Variants in MICAL2 observed in about 807,000 individuals in gnomAD.
MICAL2 encodes [F-actin]-monooxygenase MICAL2.
A neutral mutation model predicts 127.3 loss-of-function variants in MICAL2; 77 were observed. The ratio of observed to expected loss-of-function variants is 0.60; its 90% CI spans 0.50 to 0.73. MICAL2 has a LOEUF of 0.73. MICAL2 is among the 30% of genes least tolerant of loss of function. The pLI, the probability that MICAL2 is intolerant of heterozygous loss-of-function variation, is 0.00. For missense variants in MICAL2, 1,351 were observed against 1,434.4 expected, an observed-to-expected ratio of 0.94 and a Z score of 0.94; for synonymous variants, 570 against 551.1, an observed-to-expected ratio of 1.03 and a Z score of -0.48.
chr11:12,114,369 G>A (rs1466643016), intron 1 of MICAL2, among the ~76,000 whole-genome samples: 2 of 152,226 alleles, frequency 1.3e-5, no homozygotes, highest in Non-Finnish European at 2.9e-5. Context: ...CTGTCCACCT[G>A]CAGATATCCT....
In MICAL2 at chr11:12,321,120, C is replaced by T. The variant is rs189916079; in HGVS notation, c.5328+1309C>T. Among the ~76,000 whole-genome samples, 384 of 152,226 alleles carry T rather than the reference C, an allele frequency of 2.5e-3. 4 individuals are homozygous for T. The highest frequency in any genetic ancestry group is 6.1e-3 in the African/African-American group (253 of 41,532). ...AATAGCAAGACGGTGGTATTTAGGA[C>T]CAGTCTCACAAATAGCTCCTTGTTC... On this transcript the variant is annotated intron_variant, in intron 30 of 34. Coordinates refer to the MICAL2 transcript ENST00000646065.
At chr11:12,326,211 G>A (rs1414441530) in intron 31 of MICAL2, among the ~76,000 whole-genome samples, 4 of 152,140 alleles carry the variant, frequency 2.6e-5, no homozygotes, top group Non-Finnish European at 5.9e-5. Context: ...TAAAACAGAG[G>A]AGGAACACAG....
chr11:12,262,573 A>G (rs972987077), intron 27 of MICAL2, 36 bp downstream of exon 27: 1 of 1,564,550 alleles, frequency 6.4e-7, no homozygotes, highest in East Asian at 2.2e-5. Flanking sequence ...AAAGAGTGGT[A>G]CTAACCCCCA....
At chr11:12,168,781 A>G (rs541038936) in intron 3 of MICAL2, among the ~76,000 whole-genome samples, 3 of 151,964 alleles carry the variant, frequency 2.0e-5, no homozygotes, top group Admixed American at 6.5e-5. Context: ...GTGAGAAAAC[A>G]ATGTGTTTTC....
chr11:12,143,818 T>A (rs2133652674), intron 2 of MICAL2, among the ~76,000 whole-genome samples: 1 of 152,300 alleles, frequency 6.6e-6, no homozygotes, highest in African/African-American at 2.4e-5. Flanking sequence ...ATATAGTTGT[T>A]TTTAAGGATG....
chr11:12,217,239 G>A (rs554768499), intron 8 of MICAL2, among the ~76,000 whole-genome samples: 1 of 152,334 alleles, frequency 6.6e-6, no homozygotes, highest in East Asian at 1.9e-4. Flanking sequence ...AGCCCAGGCA[G>A]CACGGTGGCC....
At chr11:12,288,426 G>A (rs1003263676), downstream of MICAL2, among the ~76,000 whole-genome samples, 5 of 152,240 alleles carry the variant, frequency 3.3e-5, no homozygotes, top group South Asian at 2.1e-4. Flanking sequence ...GTGAGAGCAG[G>A]GAGGCTGGTG....
chr11:12,153,011 A>G (rs998319489), intron 2 of MICAL2, among the ~76,000 whole-genome samples: 10 of 151,776 alleles, frequency 6.6e-5, no homozygotes, highest in Non-Finnish European at 1.5e-4. Flanking sequence ...ATAACATACA[A>G]TTTATCATTT....
chr11:12,348,837 G>T (rs1216496913), intron 32 of MICAL2, among the ~76,000 whole-genome samples: 1 of 152,106 alleles, frequency 6.6e-6, no homozygotes, highest in Non-Finnish European at 1.5e-5. Flanking sequence ...TTGTTATGAG[G>T]ATTAAATTAG....
chr11:12,231,042 G>A (rs1458473043), intron 15 of MICAL2, among the ~76,000 whole-genome samples: 4 of 152,188 alleles, frequency 2.6e-5, no homozygotes, highest in Non-Finnish European at 5.9e-5. Flanking sequence ...TTGTCATCAT[G>A]CATGTAGGTG....
intron 11 of MICAL2, among the ~76,000 whole-genome samples, chr11:12,223,019 C>T (rs1457777694): frequency 1.3e-5 from 2 of 152,160 alleles, no homozygotes; most frequent in Non-Finnish European, 2.9e-5. Context: ...GCTGATCTTA[C>T]CTGTCTCAAA....
chr11:12,198,862 G>A (rs1860286935), intron 3 of MICAL2, among the ~76,000 whole-genome samples: 1 of 152,204 alleles, frequency 6.6e-6, no homozygotes, highest in African/African-American at 2.4e-5. Flanking sequence ...CCCACCCTGC[G>A]GAAGCACATG....
intron 29 of MICAL2, among the ~76,000 whole-genome samples, chr11:12,313,961 ATTTTTTTT>A (rs60681621): frequency 6.9e-5 from 3 of 43,780 alleles, no homozygotes; most frequent in East Asian, 6.3e-4. Flanking sequence ...TCTTGGTCTG[ATTTTTTTT>A]TTTTTTTTTT....
At position 12,255,698 on chromosome 11, in the gene MICAL2, A is replaced by G. The variant is rs2134646647; in HGVS notation, c.2903A>G (p.Asn968Ser). The change falls in exon 23 of 28, where the codon AAT (asparagine) becomes AGT (serine). Residue 968 changes from asparagine to serine, a missense_variant. Asn to Ser is a conservative substitution (Grantham distance 46). Transcript: ENST00000683283. Reference protein sequence around the residue: ...GIGAAAEVLVNLYMNDHRPKA... With the variant: ...GIGAAAEVLVSLYMNDHRPKA... ...GGGGCTGCAGCTGAAGTCCTGGTCA[A>G]TCTGTACATGAATGATCACAGACCT... 1.9e-6 allele frequency: 3 copies of G among 1,614,120 alleles called. No individual in the cohort carries two copies. Among genetic ancestry groups the G allele is most frequent in the Non-Finnish European group, 1.7e-6 (2 of 1,179,998 alleles).
intron 5 of MICAL2, among the ~76,000 whole-genome samples, chr11:12,209,185 T>C (rs1219856175): frequency 6.6e-6 from 1 of 152,184 alleles, no homozygotes; most frequent in Non-Finnish European, 1.5e-5. Flanking sequence ...TGGTGGACTT[T>C]GTTGAGAATG....
At chr11:12,147,962 A>G (rs577143490) in intron 2 of MICAL2, among the ~76,000 whole-genome samples, 1 of 152,224 alleles carries the variant, frequency 6.6e-6, no homozygotes, top group African/African-American at 2.4e-5. Flanking sequence ...GAGCTTAGGC[A>G]TAGACTCTGA....
chr11:12,224,626 T>C, intron 12 of MICAL2, 47 bp from the exon 13 acceptor site: 1 of 1,595,004 alleles, frequency 6.3e-7, no homozygotes, highest in Non-Finnish European at 8.6e-7. Flanking sequence ...GGGCAGACCG[T>C]GTGAGATTCC....
chr11:12,309,369 A>ACT (rs34817030), intron 29 of MICAL2, among the ~76,000 whole-genome samples: 61,645 of 151,648 alleles, frequency 0.41, 14,965 homozygotes, highest in Non-Finnish European at 0.55. Flanking sequence ...CCACCATTCT[A>ACT]CTCTATCTCC....
intron 15 of MICAL2, among the ~76,000 whole-genome samples, chr11:12,230,309 C>T (rs1478835898): frequency 1.3e-5 from 2 of 152,208 alleles, no homozygotes; most frequent in African/African-American, 4.8e-5. Context: ...GCACGTAAGA[C>T]TCTGAAATCC....
Sources: gnomAD v4.1 joint callset for allele counts (sites outside exome capture counted in the v4.1 genomes callset) on GRCh38, gnomAD v4.1.1 for gene constraint, MANE v1.5 for transcripts, NCBI Gene and HGNC (gene_info 2026-07-23, HGNC 2026-07-21) for gene names.